The following FRMD4B variants were observed in gnomAD, a reference collection of about 807,000 sequenced individuals.
The protein encoded by FRMD4B is FERM domain-containing protein 4B.
A neutral mutation model predicts 141.5 loss-of-function variants in FRMD4B; 74 were observed. The ratio of observed to expected loss-of-function variants is 0.52; its 90% CI spans 0.43 to 0.63. The LOEUF is 0.63. Among genes scored for constraint, FRMD4B ranks in the 30% least tolerant of loss-of-function variants. The pLI is 0.00. For synonymous variants in FRMD4B, 506 were observed against 467.9 expected (o/e 1.08, Z -1.05); for missense variants, 1,366 against 1,253.4 (o/e 1.09, Z -1.36).
At chr3:69,317,199 T>C (rs1393889136) in intron 1 of FRMD4B, among the ~76,000 whole-genome samples, 1 of 152,232 alleles carries the variant, frequency 6.6e-6, no homozygotes. Flanking sequence ...AGATATCTTT[T>C]TGATGTGCCT....
At chr3:69,418,988 T>A (rs1333761186) in intron 2 of FRMD4B, among the ~76,000 whole-genome samples, 1 of 152,158 alleles carries the variant, frequency 6.6e-6, no homozygotes, top group African/African-American at 2.4e-5. Context: ...AGAGAATGAA[T>A]AAGCACAGAT....
intron 10 of FRMD4B, 73 bp downstream of exon 10, chr3:69,218,249 T>C (rs781158608): frequency 1.5e-5 from 11 of 747,764 alleles, no homozygotes; most frequent in African/African-American, 3.6e-5. Flanking sequence ...GCCTTTTATA[T>C]AGTATGAAAA....
At chr3:69,201,677 C>CAAT (rs2092969023) in intron 11 of FRMD4B, among the ~76,000 whole-genome samples, 1 of 152,132 alleles carries the variant, frequency 6.6e-6, no homozygotes, top group African/African-American at 2.4e-5. Flanking sequence ...CATTCTCCTA[C>CAAT]TGTGTTTTTT....
At chr3:69,473,941 C>T (rs2106954774) in intron 1 of FRMD4B, among the ~76,000 whole-genome samples, 1 of 152,212 alleles carries the variant, frequency 6.6e-6, no homozygotes, top group South Asian at 2.1e-4. Flanking sequence ...CAGGCTTCTC[C>T]CATCCCAGCC....
intron 6 of FRMD4B, among the ~76,000 whole-genome samples, chr3:69,249,507 C>A (rs544758494): frequency 2.0e-5 from 3 of 152,114 alleles, no homozygotes; most frequent in Admixed American, 6.6e-5. Flanking sequence ...TCTCACTGTA[C>A]GTTTTTAAGA....
At chr3:69,273,488 A>C (rs1313355942) in intron 5 of FRMD4B, among the ~76,000 whole-genome samples, 1 of 152,214 alleles carries the variant, frequency 6.6e-6, no homozygotes, top group Non-Finnish European at 1.5e-5. Flanking sequence ...CAAGGTTATA[A>C]GTAAAGTATC....
chr3:69,233,254 G>A (rs1219937830), intron 7 of FRMD4B, among the ~76,000 whole-genome samples: 3 of 151,960 alleles, frequency 2.0e-5, no homozygotes, highest in Non-Finnish European at 4.4e-5. Context: ...TGGGAGGCGA[G>A]ATGGATCACT....
At position 69,196,933 on chromosome 3, in the gene FRMD4B, C is replaced by A. The variant is rs907186004; in HGVS notation, c.1059G>T (p.Gln353His). 2 of 1,611,308 alleles carry A rather than the reference C, an allele frequency of 1.2e-6. No individual in the cohort carries two copies. The highest frequency in any genetic ancestry group is 2.7e-5 in the African/African-American group (2 of 74,858). Reference protein sequence around the residue: ...IKSIWVMAISQHQFYLDRKQS... With the variant: ...IKSIWVMAISHHQFYLDRKQS... Reference sequence around the variant, plus strand: ...GCTTCCGGTCCAAGTAAAACTGATGCTGACTAATTGCCATTACCCAAATGG... The same window carrying A: ...GCTTCCGGTCCAAGTAAAACTGATGATGACTAATTGCCATTACCCAAATGG... The change falls in exon 13 of 23, where the codon CAG (glutamine) becomes CAT (histidine). Residue 353 changes from glutamine to histidine, a missense_variant. Physicochemically the swap from Gln to His is conservative, Grantham distance 24 (BLOSUM62 0). Coordinates refer to ENST00000398540, the MANE Select transcript of FRMD4B (RefSeq NM_015123.3).
intron 1 of FRMD4B, chr3:69,376,877 A>C (rs1703986161): frequency 6.6e-6 from 1 of 152,172 alleles, no homozygotes; most frequent in South Asian, 2.1e-4. Flanking sequence ...GGACAACAAA[A>C]ATATAATGTT....
intron 1 of FRMD4B, among the ~76,000 whole-genome samples, chr3:69,384,390 C>T (rs1472030198): frequency 1.3e-5 from 2 of 152,100 alleles, no homozygotes; most frequent in East Asian, 1.9e-4. Context: ...TTTGCGTTCC[C>T]TTTTTGAAAG....
chr3:69,439,171 T>A (rs1162308007), intron 1 of FRMD4B, among the ~76,000 whole-genome samples: 2 of 152,034 alleles, frequency 1.3e-5, no homozygotes, highest in Admixed American at 1.3e-4. Context: ...TCAACATGGT[T>A]TTTTGCGATC....
intron 4 of FRMD4B, 145 bp from the exon 5 acceptor site, chr3:69,287,981 A>G (rs1364479628): frequency 3.4e-6 from 2 of 582,664 alleles, no homozygotes; most frequent in African/African-American, 3.7e-5. Flanking sequence ...AGAAATATGC[A>G]CCGCACGTAT....
intron 3 of FRMD4B, among the ~76,000 whole-genome samples, chr3:69,304,290 C>T (rs1322685586): frequency 6.6e-6 from 1 of 151,890 alleles, no homozygotes; most frequent in Non-Finnish European, 1.5e-5. Context: ...TTAAGATCAG[C>T]CTGGCCAACA....
At chr3:69,347,342 G>C (rs1383251283) in intron 1 of FRMD4B, among the ~76,000 whole-genome samples, 1 of 152,200 alleles carries the variant, frequency 6.6e-6, no homozygotes, top group Non-Finnish European at 1.5e-5. Flanking sequence ...CAAGTCCTTA[G>C]AGACCTAGAA....
upstream of FRMD4B, among the ~76,000 whole-genome samples, chr3:69,387,266 C>T (rs1704279788): frequency 6.6e-6 from 1 of 152,106 alleles, no homozygotes; most frequent in African/African-American, 2.4e-5. Context: ...ACGGGGACTA[C>T]AGGTGCTAAG....
intron 1 of FRMD4B, among the ~76,000 whole-genome samples, chr3:69,491,722 A>G (rs184785333): frequency 1.3e-5 from 2 of 152,352 alleles, no homozygotes; most frequent in Non-Finnish European, 2.9e-5. Context: ...TACCTGTTAC[A>G]CCATGAGAGA....
At position 69,327,867 on chromosome 3, in the gene FRMD4B, A is replaced by G. The variant is rs527749246; in HGVS notation, c.163-14350T>C. 5.3e-5 allele frequency among the ~76,000 whole-genome samples: 8 copies of G among 152,322 alleles called. No homozygotes were observed. The East Asian group carries it at 1.5e-3, about 29-fold the overall frequency. On this transcript the variant is annotated intron_variant, in intron 1 of 22. Transcript: ENST00000398540. ...CAGAAGAAATATTTCCTCTCAACTT[A>G]CAGGCTTATATTATTTAGTCATGAA...
At chr3:69,510,843 T>C (rs1706675269) in intron 1 of FRMD4B, among the ~76,000 whole-genome samples, 1 of 152,234 alleles carries the variant, frequency 6.6e-6, no homozygotes, top group Non-Finnish European at 1.5e-5. Flanking sequence ...CCTGACCTTT[T>C]CTCATACTTC....
At chr3:69,511,187 T>C (rs923406869) in intron 1 of FRMD4B, among the ~76,000 whole-genome samples, 1 of 152,240 alleles carries the variant, frequency 6.6e-6, no homozygotes, top group Non-Finnish European at 1.5e-5. Context: ...GTCCCAGTAG[T>C]TGTATAAGCA....
Sources: allele counts gnomAD v4.1 joint callset (sites outside exome capture counted in the v4.1 genomes callset), GRCh38; gene constraint gnomAD v4.1.1; transcripts MANE v1.5; gene names NCBI Gene and HGNC (gene_info 2026-07-23, HGNC 2026-07-21).